GABRA3: variants seen among roughly 807,000 people sequenced by gnomAD.
The protein encoded by GABRA3 is gamma-aminobutyric acid type A receptor subunit alpha3, also known as gamma-aminobutyric acid receptor subunit alpha-3.
A neutral mutation model predicts 30.1 loss-of-function variants in GABRA3; 10 were observed. The observed-to-expected ratio is 0.33, with a 90% CI of 0.20 to 0.56. GABRA3 has a LOEUF of 0.56. Ranked by LOEUF, GABRA3 falls within the 20% of genes least tolerant of loss-of-function variation. The pLI, the probability that GABRA3 is intolerant of heterozygous loss-of-function variation, is 0.89. For missense variants in GABRA3, 233 were observed against 392.0 expected (o/e 0.59, Z 3.42); for synonymous variants, 151 against 146.8 (o/e 1.03, Z -0.21).
At chrX:152,263,477 G>GT (rs1186806486) in intron 4 of GABRA3, among the ~76,000 whole-genome samples, 8 of 110,026 alleles carry the variant, frequency 7.3e-5, no homozygotes, top group Admixed American at 1.9e-4. Flanking sequence ...GAGTCAAGCA[G>GT]AAGAAATAAT....
chrX:152,243,446 T>C (rs1178373626), intron 5 of GABRA3, among the ~76,000 whole-genome samples: 1 of 111,949 alleles, frequency 8.9e-6, no homozygotes, highest in Non-Finnish European at 1.9e-5. Context: ...TTGTACACCA[T>C]AAATACATAT....
chrX:152,169,270 T>G (rs980664488), intron 9 of GABRA3, among the ~76,000 whole-genome samples: 1 of 112,242 alleles, frequency 8.9e-6, no homozygotes, highest in South Asian at 3.7e-4. Context: ...TACAACAGCT[T>G]CCCACCCTTC....
chrX:152,282,299 G>A (rs1204936628), intron 4 of GABRA3, among the ~76,000 whole-genome samples: 1 of 111,449 alleles, frequency 9.0e-6, no homozygotes, highest in Non-Finnish European at 1.9e-5. Context: ...GTAGTCTGTG[G>A]TCTCAGGGGA....
In GABRA3 at chrX:152,276,719, A is replaced by T. The variant is rs961719161; in HGVS notation, c.330+7949T>A. The stretch of plus-strand genomic sequence containing the variant: ...TGAATTAGAGTAAAATACACAAAAA[A>T]GTAGAGTTTTTAATACGTGGTAAAA... On this transcript the variant is annotated intron_variant, in intron 4 of 9. Transcript: ENST00000370314. 2.7e-5 allele frequency among the ~76,000 whole-genome samples: 3 copies of T among 112,091 alleles called. No homozygotes were observed. The South Asian group carries it at 1.1e-3, about 41-fold the overall frequency.
chrX:152,217,047 T>A lies in GABRA3; in HGVS notation c.634+7716A>T, dbSNP rs767179133. Among the ~76,000 whole-genome samples, 127 of 111,432 alleles carry A rather than the reference T, an allele frequency of 1.1e-3. 1 individual carries two copies. Among genetic ancestry groups the A allele is most frequent in the African/African-American group, 3.9e-3 (119 of 30,896 alleles). On this transcript the variant is annotated intron_variant, in intron 6 of 9. Coordinates refer to ENST00000370314, the MANE Select transcript of GABRA3 (RefSeq NM_000808.4). Reference sequence around the variant, plus strand: ...ATATATAAAAGCAAATGGAAACTGGTACTATATTGGTTTATAACTTAATCA... The same window carrying A: ...ATATATAAAAGCAAATGGAAACTGGAACTATATTGGTTTATAACTTAATCA...
intron 4 of GABRA3, among the ~76,000 whole-genome samples, chrX:152,261,132 G>GA (rs35451657): frequency 0.2 from 21,668 of 109,753 alleles, 2,411 homozygotes; most frequent in African/African-American, 0.42. Context: ...TCACTATCAT[G>GA]AAACAGCATA....
At chrX:152,284,272 T>C (rs971199661) in intron 4 of GABRA3, among the ~76,000 whole-genome samples, 2 of 111,723 alleles carry the variant, frequency 1.8e-5, no homozygotes, top group Non-Finnish European at 3.8e-5. Flanking sequence ...AACAGACTTC[T>C]TGGATGACAC....
chrX:152,298,165 G>C (rs1261077603), intron 3 of GABRA3, among the ~76,000 whole-genome samples: 1 of 112,090 alleles, frequency 8.9e-6, no homozygotes, highest in African/African-American at 3.2e-5. Flanking sequence ...CACTAATATA[G>C]GATGTGGAGG....
intron 3 of GABRA3, among the ~76,000 whole-genome samples, chrX:152,315,803 G>A (rs1403551411): frequency 9.1e-6 from 1 of 109,819 alleles, no homozygotes; most frequent in Non-Finnish European, 1.9e-5. Flanking sequence ...CTCCATTGAC[G>A]TGGGAACCAT....
chrX:152,369,627 T>C (rs963730508), intron 1 of GABRA3, among the ~76,000 whole-genome samples: 4 of 111,343 alleles, frequency 3.6e-5, no homozygotes, highest in East Asian at 2.8e-4. Flanking sequence ...TAAAATATCA[T>C]CTTTTCATTG....
At chrX:152,264,780 C>T (rs1183196419) in intron 4 of GABRA3, among the ~76,000 whole-genome samples, 2 of 110,331 alleles carry the variant, frequency 1.8e-5, no homozygotes, top group Non-Finnish European at 3.8e-5. Flanking sequence ...CACATGTAAA[C>T]TGAAAATAAA....
intron 7 of GABRA3, among the ~76,000 whole-genome samples, chrX:152,206,281 G>C: frequency 8.9e-6 from 1 of 112,652 alleles, no homozygotes; most frequent in Admixed American, 9.3e-5. Flanking sequence ...CTCCTCCTGG[G>C]GCCCCCTCTT....
At chrX:152,212,490 T>G (rs1005415380) in intron 6 of GABRA3, among the ~76,000 whole-genome samples, 2 of 108,919 alleles carry the variant, frequency 1.8e-5, no homozygotes, top group African/African-American at 6.7e-5. Context: ...GTTGTGGACA[T>G]GCCTAAAGGA....
chrX:152,210,181 T>C (rs1421958467), intron 6 of GABRA3, among the ~76,000 whole-genome samples: 1 of 112,192 alleles, frequency 8.9e-6, no homozygotes, highest in Admixed American at 9.5e-5. Context: ...CATAGTTTTT[T>C]GTAATGAATA....
At chrX:152,445,005 G>T (rs1174422292) in intron 1 of GABRA3, among the ~76,000 whole-genome samples, 1 of 74,037 alleles carries the variant, frequency 1.4e-5, no homozygotes, top group Non-Finnish European at 2.4e-5. Flanking sequence ...AGCTTGCAGT[G>T]AGCCGAGATC....
chrX:152,194,024 A>G (rs1224155812), intron 8 of GABRA3, among the ~76,000 whole-genome samples: 2 of 112,283 alleles, frequency 1.8e-5, no homozygotes, highest in Non-Finnish European at 3.8e-5. Flanking sequence ...AATAACGTTA[A>G]TTGATACTTT....
At position 152,284,715 on chromosome X, in the gene GABRA3, T is replaced by C; in HGVS notation, c.283A>G (p.Thr95Ala). ...GLGDAVTEVK[T>A]DIYVTSFGPV... ...CCAAAACTGGTCACGTAGATGTCAG[T>C]CTTCACTTCAGTCACTGCATCTGCG... The change falls in exon 4 of 10, where the codon ACT becomes GCT. Residue 95 changes from threonine (T) to alanine (A), a missense_variant. Physicochemically the swap from Thr to Ala is moderately conservative, Grantham distance 58. This residue lies in a region of GABRA3 where 69 missense variants were observed against 79.4 expected (regional missense o/e 0.87). Transcript: ENST00000370314. The C allele has an allele frequency of 8.4e-7, 1 of 1,191,311 alleles. No homozygotes were observed. The highest frequency in any genetic ancestry group is 1.1e-6 in the Non-Finnish European group (1 of 880,593).
At chrX:152,438,188 C>T (rs1334065912) in intron 1 of GABRA3, among the ~76,000 whole-genome samples, 1 of 111,703 alleles carries the variant, frequency 9.0e-6, no homozygotes, top group African/African-American at 3.3e-5. Flanking sequence ...GATAAGATTG[C>T]AAATAAGCAT....
chrX:152,211,241 G>A, intron 6 of GABRA3, among the ~76,000 whole-genome samples: 1 of 109,318 alleles, frequency 9.1e-6, no homozygotes, highest in East Asian at 2.9e-4. Context: ...AAAAAGAAAA[G>A]GAATTTCTTG....
Sources: gnomAD v4.1 joint callset for allele counts (sites outside exome capture counted in the v4.1 genomes callset) on GRCh38, gnomAD v4.1.1 for gene constraint, gnomAD v4.1.1 regional missense constraint, MANE v1.5 for transcripts, NCBI Gene and HGNC (gene_info 2026-07-23, HGNC 2026-07-21) for gene names.